Variants in XG observed in about 807,000 individuals in gnomAD.
XG encodes Xg glycoprotein (Xg blood group).
A neutral mutation model predicts 25.7 loss-of-function variants in XG; 24 were observed. That is an observed-to-expected ratio of 0.93 (90% CI 0.68 to 1.31). The LOEUF (loss-of-function observed/expected upper bound fraction) is 1.31, where lower values mean the gene tolerates loss of function less well. Ranked by LOEUF, XG falls within the 40% of genes most tolerant of loss-of-function variation. The probability of loss-of-function intolerance (pLI) is 0.00; values close to 1 mark genes in which losing one functional copy is unlikely to be tolerated. For missense variants in XG, 181 were observed against 187.6 expected, an observed-to-expected ratio of 0.96 and a Z score of 0.21; for synonymous variants, 77 against 69.2, an observed-to-expected ratio of 1.11 and a Z score of -0.56.
intron 1 of XG, among the ~76,000 whole-genome samples, chrX:2,766,390 C>T (rs181748199): frequency 1.0e-3 from 159 of 151,936 alleles, no homozygotes; most frequent in African/African-American, 3.7e-3. Context: ...CTGCCCTCCT[C>T]GGCCTCCCAA....
At chrX:2,778,646 G>C (rs1240571858) in intron 3 of XG, among the ~76,000 whole-genome samples, 1 of 152,190 alleles carries the variant, frequency 6.6e-6, no homozygotes, top group East Asian at 1.9e-4. Context: ...ACTGAATTGT[G>C]TCTTGGCATA....
intron 1 of XG, among the ~76,000 whole-genome samples, chrX:2,757,171 C>G (rs1011071525): frequency 1.3e-5 from 2 of 151,998 alleles, no homozygotes; most frequent in African/African-American, 4.8e-5. Context: ...CAGCTGAACA[C>G]CTCTCAGTGT....
intron 4 of XG, 109 bp downstream of exon 4, chrX:2,782,237 C>T: frequency 1.2e-6 from 1 of 860,744 alleles, no homozygotes; most frequent in Non-Finnish European, 1.7e-6. Context: ...TGTGTAATAG[C>T]TCCCTTACTG....
Position 2,816,476 on chromosome X carries a change from A to T in XG, c.*2096A>T, listed in dbSNP as rs963435525. 8.9e-6 allele frequency: 1 copy of T among 111,922 alleles called. No individual in the cohort carries two copies. Among genetic ancestry groups the T allele is most frequent in the African/African-American group, 3.3e-5 (1 of 30,768 alleles). The allele number at this position is 111,922 out of a possible 1,213,427, so 9.2% of individuals were successfully genotyped here. A position where few individuals can be genotyped will look rare whatever the true frequency, so the allele number is the denominator to read the frequency against. Reference sequence around the variant, plus strand: ...AAGACCTTTATGGTGATCCGCTTCCACTTAATAAATAGTAAATTCATTAAT... The same window carrying T: ...AAGACCTTTATGGTGATCCGCTTCCTCTTAATAAATAGTAAATTCATTAAT... On this transcript the variant is annotated 3_prime_UTR_variant, in exon 11 of 11. Transcript: ENST00000644266.
At chrX:2,757,556 A>C in intron 1 of XG, among the ~76,000 whole-genome samples, 1 of 152,198 alleles carries the variant, frequency 6.6e-6, no homozygotes, top group Middle Eastern at 3.4e-3. Context: ...AACAGTAGCA[A>C]ATCATATTTC....
chrX:2,811,843 G>A (rs897012190), intron 10 of XG, among the ~76,000 whole-genome samples: 5 of 111,417 alleles, frequency 4.5e-5, no homozygotes, highest in Admixed American at 9.6e-5. Flanking sequence ...TGAGCTGCCC[G>A]CCTTGGCCTC....
chrX:2,752,467 A>G (rs1191623984), intron 1 of XG, 132 bp downstream of exon 1: 2 of 1,253,442 alleles, frequency 1.6e-6, no homozygotes, highest in African/African-American at 1.5e-5. Context: ...TAGAAAGGAG[A>G]CTAAGAGCGA....
chrX:2,814,535 T>C lies in XG; in HGVS notation c.*155T>C, dbSNP rs754239713. On this transcript the variant is annotated 3_prime_UTR_variant, in exon 11 of 11. Coordinates refer to ENST00000644266, the MANE Select transcript of XG (RefSeq NM_001141919.2). ...AGTACATGAGCTGCCTCACTAAGCATTCCCAACTCATTGAATGTGATGTGG... is the reference window on the plus strand; with the variant it reads ...AGTACATGAGCTGCCTCACTAAGCACTCCCAACTCATTGAATGTGATGTGG... 5 of 613,722 alleles carry C rather than the reference T, an allele frequency of 8.1e-6. No individual in the cohort carries two copies. Among genetic ancestry groups the C allele is most frequent in the Non-Finnish European group, 1.2e-5 (5 of 419,288 alleles). The allele number at this position is 613,722 out of a possible 1,213,427, so 50.6% of individuals were successfully genotyped here.
chrX:2,772,658 A>G (rs1442630297), intron 2 of XG, among the ~76,000 whole-genome samples: 4 of 152,224 alleles, frequency 2.6e-5, no homozygotes, highest in Non-Finnish European at 5.9e-5. Flanking sequence ...TATTGTGAAT[A>G]TATGAAACAC....
intron 7 of XG, among the ~76,000 whole-genome samples, chrX:2,801,860 C>T (rs373330464): frequency 3.8e-4 from 42 of 110,883 alleles, no homozygotes; most frequent in Non-Finnish European, 4.9e-4. Context: ...AGGCGCCCGC[C>T]ACCACGCCTG....
Position 2,766,710 on chromosome X carries a change from G to A in XG, c.62-3840G>A, listed in dbSNP as rs750187639. 7.0e-4 allele frequency among the ~76,000 whole-genome samples: 106 copies of A among 150,972 alleles called. No homozygotes were observed. The Middle Eastern group carries it at 0.02, about 29-fold the overall frequency. On this transcript the variant is annotated intron_variant, in intron 1 of 10. Transcript: ENST00000644266. ...CTCCCGAGTAGCTGGGACTACAGGC[G>A]CCCGCCACCACACCCGGCTAATTTT...
intron 3 of XG, 129 bp downstream of exon 3, chrX:2,774,868 C>G: frequency 8.0e-7 from 1 of 1,248,440 alleles, no homozygotes; most frequent in Non-Finnish European, 1.2e-6. Context: ...TACCAGATAG[C>G]AGATATTGAA....
intron 3 of XG, among the ~76,000 whole-genome samples, chrX:2,779,629 A>C (rs1185414101): frequency 6.6e-6 from 1 of 152,112 alleles, no homozygotes; most frequent in Non-Finnish European, 1.5e-5. Flanking sequence ...ATATAATGCA[A>C]GTATATGTTC....
Position 2,815,821 on chromosome X carries a change from A to ACACACACACACACACACACCCC in XG, c.*1442_*1443insACACACACACACACACACCCCC, listed in dbSNP as rs1491288808. On this transcript the variant is annotated 3_prime_UTR_variant, in exon 11 of 11. Coordinates refer to ENST00000644266, the MANE Select transcript of XG (RefSeq NM_001141919.2). ...TAGTTACACACACACACACACACAC[A>ACACACACACACACACACACCCC]CCTACTTAAATGGAATCTAAACATT... 2 of 107,754 alleles carry ACACACACACACACACACACCCC rather than the reference A, an allele frequency of 1.9e-5. No individual in the cohort carries two copies. The highest frequency in any genetic ancestry group is 3.8e-5 in the Non-Finnish European group (2 of 51,983). 8.9% of individuals were successfully genotyped at this position (107,754 alleles called of 1,213,427 possible).
chrX:2,782,963 T>C (rs112398174), intron 4 of XG, among the ~76,000 whole-genome samples: 8,581 of 111,448 alleles, frequency 0.077, 820 homozygotes, highest in African/African-American at 0.26. Context: ...CTAGTTTGGC[T>C]CACACCCAGG....
intron 5 of XG, among the ~76,000 whole-genome samples, chrX:2,792,782 A>G (rs1436885317): frequency 4.5e-5 from 5 of 110,718 alleles, no homozygotes; most frequent in African/African-American, 1.6e-4. Flanking sequence ...CTTCAGCTTC[A>G]CAGATGTATG....
rs774800807 is a variant in XG at position 2,782,069 on chromosome X, T to C, written c.131T>C (p.Ile44Thr). Residue 44 changes from isoleucine (I) to threonine (T), a missense_variant, in exon 4 of 11, where the codon ATC becomes ACC. By Grantham distance (89) the Ile-to-Thr change is moderately conservative (BLOSUM62 -1). Coordinates refer to ENST00000644266, the MANE Select transcript of XG (RefSeq NM_001141919.2). ...TGCAATGTTGTTTCCTCCACAGATA[T>C]CTACCCAAAGCCAAAACCACCTTAC... ...PEPTKKPNSDIYPKPKPPYYP... is the reference protein window; with the variant it reads ...PEPTKKPNSDTYPKPKPPYYP... 5.0e-6 allele frequency: 6 copies of C among 1,209,605 alleles called. No homozygotes were observed. Among genetic ancestry groups the C allele is most frequent in the Admixed American group, 2.2e-5 (1 of 45,689 alleles).
intron 9 of XG, 60 bp from the exon 10 acceptor site, chrX:2,811,276 C>A (rs1308048829): frequency 4.2e-6 from 4 of 941,985 alleles, no homozygotes; most frequent in Non-Finnish European, 6.0e-6. Context: ...AATATTTAAG[C>A]AGTTTTCCTG....
intron 3 of XG, among the ~76,000 whole-genome samples, chrX:2,779,216 G>C (rs1416188942): frequency 2.0e-5 from 3 of 151,098 alleles, no homozygotes; most frequent in Non-Finnish European, 4.4e-5. Context: ...CACGCCCATA[G>C]TCCCAGCTAC....
Sources: allele counts gnomAD v4.1 joint callset (sites outside exome capture counted in the v4.1 genomes callset), GRCh38; gene constraint gnomAD v4.1.1; transcripts MANE v1.5; gene names NCBI Gene and HGNC (gene_info 2026-07-23, HGNC 2026-07-21).